Variants in CPXM2 observed in about 807,000 individuals in gnomAD.
CPXM2 encodes the protein carboxypeptidase X, M14 family member 2, also known as inactive carboxypeptidase-like protein X2.
Under a neutral mutation model 86.1 loss-of-function variants are expected in CPXM2, and 66 were observed. That is an observed-to-expected ratio of 0.77 (90% confidence interval 0.63 to 0.94). The LOEUF (loss-of-function observed/expected upper bound fraction) is 0.94, where lower values mean the gene tolerates loss of function less well. CPXM2 is among the 40% of genes least tolerant of loss of function. The pLI, the probability that CPXM2 is intolerant of heterozygous loss-of-function variation, is 0.00. For synonymous variants in CPXM2, 388 were observed against 400.2 expected, an observed-to-expected ratio of 0.97 and a Z score of 0.36; for missense variants, 948 against 1,026.3, an observed-to-expected ratio of 0.92 and a Z score of 1.04.
intron 2 of CPXM2, among the ~76,000 whole-genome samples, chr10:123,878,712 G>A (rs1383523374): frequency 6.6e-6 from 1 of 152,076 alleles, no homozygotes; most frequent in African/African-American, 2.4e-5. Flanking sequence ...TAACAAGGCA[G>A]TGAAGAAATA....
chr10:123,785,144 T>C (rs1443530611), intron 6 of CPXM2, among the ~76,000 whole-genome samples: 1 of 152,192 alleles, frequency 6.6e-6, no homozygotes, highest in African/African-American at 2.4e-5. Context: ...ATCTCTGCTT[T>C]TGTTGCTTCA....
In CPXM2 at chr10:123,865,175, C is replaced by T. The variant is rs74162962; in HGVS notation, c.404-2452G>A. ...CACACGAACTTGGCCTGCTCGCAAA[C>T]GTAGTCTTACAGGAACCCAATGCTC... On this transcript the variant is annotated intron_variant, in intron 2 of 13. Transcript: ENST00000241305. The surrounding 1 kb of genome is among the most constrained non-coding windows in gnomAD (Gnocchi z 4.7). 5.0e-3 allele frequency among the ~76,000 whole-genome samples: 762 copies of T among 152,312 alleles called. 5 individuals carry two copies. The highest frequency in any genetic ancestry group is 0.017 in the African/African-American group (725 of 41,560).
intron 7 of CPXM2, among the ~76,000 whole-genome samples, chr10:123,774,487 G>C (rs1846733398): frequency 6.6e-6 from 1 of 152,228 alleles, no homozygotes; most frequent in South Asian, 2.1e-4. Flanking sequence ...ATGGCTGTGT[G>C]CTTCATATGC....
intron 3 of CPXM2, among the ~76,000 whole-genome samples, chr10:123,861,988 G>A (rs1029459124): frequency 8.5e-5 from 13 of 152,206 alleles, no homozygotes; most frequent in African/African-American, 1.2e-4. Context: ...ATTGCACGGC[G>A]TGTAGAGTGT....
chr10:123,813,402 C>T (rs914629330), intron 4 of CPXM2, among the ~76,000 whole-genome samples: 1 of 152,154 alleles, frequency 6.6e-6, no homozygotes, highest in African/African-American at 2.4e-5. Context: ...GCTCTGTTCC[C>T]CTATTCTTTG....
upstream of CPXM2, among the ~76,000 whole-genome samples, chr10:123,942,724 C>G (rs1488830636): frequency 6.6e-6 from 1 of 152,208 alleles, no homozygotes; most frequent in Non-Finnish European, 1.5e-5. Context: ...GGAGGGCTCT[C>G]ACTATGGAGT....
At chr10:123,827,478 G>A (rs1195078088) in intron 4 of CPXM2, among the ~76,000 whole-genome samples, 1 of 152,088 alleles carries the variant, frequency 6.6e-6, no homozygotes, top group East Asian at 1.9e-4. Context: ...AAAATACTTA[G>A]ACGTAAACCT....
chr10:123,811,560 C>T (rs1471993081), intron 4 of CPXM2, among the ~76,000 whole-genome samples: 4 of 152,054 alleles, frequency 2.6e-5, no homozygotes, highest in Non-Finnish European at 5.9e-5. Context: ...TAAAACACAA[C>T]CAGCCAAATC....
rs1294476543 is a variant in CPXM2, at chr10:123,745,834, A to G, written c.*930T>C. Reference sequence around the variant, plus strand: ...GGAAGATCTGGCATTCTACATATCAAAAATAACTCCCAGGCTGATATGAGG... The same window carrying G: ...GGAAGATCTGGCATTCTACATATCAGAAATAACTCCCAGGCTGATATGAGG... On this transcript the variant is annotated 3_prime_UTR_variant, in exon 14 of 14. Coordinates refer to ENST00000241305, the MANE Select transcript of CPXM2 (RefSeq NM_198148.3). 6.6e-6 allele frequency: 1 copy of G among 152,024 alleles called. No homozygotes were observed. The highest frequency in any genetic ancestry group is 6.5e-5 in the Admixed American group (1 of 15,268). 9.4% of individuals were successfully genotyped at this position (152,024 alleles called of 1,614,324 possible).
At chr10:123,870,094 G>C (rs1002810762) in intron 2 of CPXM2, among the ~76,000 whole-genome samples, 1 of 152,144 alleles carries the variant, frequency 6.6e-6, no homozygotes, top group Non-Finnish European at 1.5e-5. Flanking sequence ...AGACTGGCTA[G>C]AGACTCCTGT....
intron 2 of CPXM2, among the ~76,000 whole-genome samples, chr10:123,899,178 C>T (rs551124616): frequency 1.3e-5 from 2 of 152,264 alleles, no homozygotes; most frequent in African/African-American, 2.4e-5. Context: ...AGGCTCATTT[C>T]GTTATATAGA....
intron 1 of CPXM2, among the ~76,000 whole-genome samples, chr10:123,886,358 G>A (rs1245753716): frequency 6.6e-6 from 1 of 152,168 alleles, no homozygotes; most frequent in Non-Finnish European, 1.5e-5. Flanking sequence ...ACTGAAAAGA[G>A]AAGGAAAGCT....
At chr10:123,863,656 A>G (rs929198203) in intron 2 of CPXM2, among the ~76,000 whole-genome samples, 2 of 152,158 alleles carry the variant, frequency 1.3e-5, no homozygotes, top group Non-Finnish European at 2.9e-5. Context: ...CTCACACGAC[A>G]TACTCAGAAA....
In CPXM2 at chr10:123,746,412, G is replaced by C. The variant is rs904180784; in HGVS notation, c.*352C>G. 3 of 268,908 alleles carry C rather than the reference G, an allele frequency of 1.1e-5. No individual in the cohort carries two copies. Among genetic ancestry groups the C allele is most frequent in the African/African-American group, 2.2e-5 (1 of 45,146 alleles). 16.7% of individuals were successfully genotyped at this position (268,908 alleles called of 1,614,324 possible). On this transcript the variant is annotated 3_prime_UTR_variant, in exon 14 of 14. Coordinates refer to ENST00000241305, the MANE Select transcript of CPXM2 (RefSeq NM_198148.3). ...ATGCACGTGGAACCCTTGCTGCCAC[G>C]CAAACAGGGGAAGCACCAGAATCCT... is the stretch of plus-strand genomic sequence containing the variant.
chr10:123,853,485 GCT>G (rs1056370546), intron 3 of CPXM2, among the ~76,000 whole-genome samples: 2 of 152,210 alleles, frequency 1.3e-5, no homozygotes, highest in African/African-American at 4.8e-5. Flanking sequence ...TTTGCTAAGT[GCT>G]CAGGGCTCTT....
chr10:123,754,757 A>G lies in CPXM2; in HGVS notation c.1923T>C (p.His641=). 1 of 1,592,310 alleles carries G rather than the reference A, an allele frequency of 6.3e-7. No homozygotes were observed. The highest frequency in any genetic ancestry group is 8.6e-7 in the Non-Finnish European group (1 of 1,159,982). ...CTCTCACCAAGCCTTTAATGCCACG[A>G]TGAACCTGCTCAGCAAACATGAGAC... ...ESLIVFMEQV[H]RGIKGLVRDS... Residue 641 remains histidine (H), a synonymous_variant, in exon 13 of 14, where the codon CAT becomes CAC. Transcript: ENST00000241305. The surrounding 1 kb of genome is among the most constrained non-coding windows in gnomAD (Gnocchi z 4.0).
intron 2 of CPXM2, among the ~76,000 whole-genome samples, chr10:123,910,100 T>C (rs976239693): frequency 1.3e-5 from 2 of 151,958 alleles, no homozygotes; most frequent in Middle Eastern, 3.2e-3. Context: ...CAGACCATAA[T>C]GGCAGACAGA....
At chr10:123,816,422 C>T (rs1045579216) in intron 4 of CPXM2, among the ~76,000 whole-genome samples, 1 of 152,178 alleles carries the variant, frequency 6.6e-6, no homozygotes, top group Admixed American at 6.5e-5. Context: ...AAAACAGTAT[C>T]GCATTCCTGG....
rs542549743 is a variant in CPXM2, at chr10:123,883,083, C to A, written c.305-2774G>T. Among the ~76,000 whole-genome samples the A allele has an allele frequency of 7.2e-3, 1,038 of 144,192 alleles. 14 individuals are homozygous for A. The highest frequency in any genetic ancestry group is 0.024 in the African/African-American group (977 of 41,036). The allele number at this position is 144,192 out of a possible 152,430, so 94.6% of individuals were successfully genotyped here. A position where few individuals can be genotyped will look rare whatever the true frequency, so the allele number is the denominator to read the frequency against. On this transcript the variant is annotated intron_variant, in intron 1 of 13. Transcript: ENST00000241305. ...CATCACAACACCATGGCCCGGGCACCCCCAGGCCCAGGCAGATTTAGGCCT... is the reference window on the plus strand; with the variant it reads ...CATCACAACACCATGGCCCGGGCACACCCAGGCCCAGGCAGATTTAGGCCT...
Sources: gnomAD v4.1 joint callset for allele counts (sites outside exome capture counted in the v4.1 genomes callset) on GRCh38, gnomAD v4.1.1 for gene constraint, Gnocchi (gnomAD v3.1) non-coding constraint, MANE v1.5 for transcripts, NCBI Gene and HGNC (gene_info 2026-07-23, HGNC 2026-07-21) for gene names.